Variants in CRTC1 observed in about 807,000 individuals in gnomAD.
The protein encoded by CRTC1 is CREB regulated transcription coactivator 1, also known as CREB-regulated transcription coactivator 1.
CRTC1 carries 18 observed loss-of-function variants against 66.1 expected under a neutral mutation model. The observed-to-expected ratio is 0.27, with a 90% CI of 0.19 to 0.40. The LOEUF is 0.40. CRTC1 is among the 10% of genes least tolerant of loss of function. CRTC1 has a pLI of 1.00. For synonymous variants in CRTC1, 416 were observed against 398.8 expected, an observed-to-expected ratio of 1.04 and a Z score of -0.51; for missense variants, 669 against 887.9, an observed-to-expected ratio of 0.75 and a Z score of 3.13.
Position 18,716,550 on chromosome 19 carries a change from G to A in CRTC1, c.127-26360G>A, listed in dbSNP as rs532810649. Among the ~76,000 whole-genome samples the A allele has an allele frequency of 1.2e-4, 18 of 152,268 alleles. No homozygotes were observed. The South Asian group carries it at 2.3e-3, about 19-fold the overall frequency. On this transcript the variant is annotated intron_variant, in intron 1 of 13. Coordinates refer to ENST00000321949, the MANE Select transcript of CRTC1 (RefSeq NM_015321.3). Reference sequence around the variant, plus strand: ...CAGGTGTGAGCAACTGTGCCTGGCCGGCTCCTGCATGACTCTTAGCCCAGG... The same window carrying A: ...CAGGTGTGAGCAACTGTGCCTGGCCAGCTCCTGCATGACTCTTAGCCCAGG...
Position 18,745,929 on chromosome 19 carries a change from G to A in CRTC1, c.350G>A (p.Arg117Gln). The A allele has an allele frequency of 1.9e-6, 3 of 1,612,488 alleles. No individual in the cohort carries two copies. Among genetic ancestry groups the A allele is most frequent in the Non-Finnish European group, 1.7e-6 (2 of 1,179,296 alleles). ...ERGRLGSPHR[R>Q]PLSVDKHGRQ... Reference sequence around the variant, plus strand: ...GGCCGGCTCGGCTCCCCACACCGCCGGCCCCTGTCAGTGGACAAACACGGA... The same window carrying A: ...GGCCGGCTCGGCTCCCCACACCGCCAGCCCCTGTCAGTGGACAAACACGGA... Residue 117 changes from arginine (R) to glutamine (Q), a missense_variant, in exon 3 of 14, where the codon CGG becomes CAG. Transcript: ENST00000321949.
intron 1 of CRTC1, among the ~76,000 whole-genome samples, chr19:18,712,112 T>A (rs1032082980): frequency 6.6e-5 from 10 of 151,986 alleles, no homozygotes; most frequent in African/African-American, 2.4e-4. Context: ...AGCTAATTTT[T>A]AAAATTTTTT....
chr19:18,767,856 C>T (rs2054771345), intron 9 of CRTC1, among the ~76,000 whole-genome samples: 1 of 152,224 alleles, frequency 6.6e-6, no homozygotes, highest in Admixed American at 6.5e-5. Context: ...CACGCTCAGC[C>T]TTTCTTAGAG....
intron 1 of CRTC1, among the ~76,000 whole-genome samples, chr19:18,692,020 C>T (rs1180584527): frequency 6.6e-6 from 1 of 152,040 alleles, no homozygotes. Context: ...GTCTTCCCCA[C>T]CCCCACTCTT....
intron 5 of CRTC1, among the ~76,000 whole-genome samples, chr19:18,750,241 C>T (rs1383571704): frequency 1.3e-5 from 2 of 152,154 alleles, no homozygotes; most frequent in Non-Finnish European, 2.9e-5. Context: ...GGCCAGGGGT[C>T]GACTTCTAGC....
chr19:18,700,197 G>A (rs2053100094), intron 1 of CRTC1, among the ~76,000 whole-genome samples: 1 of 152,192 alleles, frequency 6.6e-6, no homozygotes, highest in Admixed American at 6.5e-5. Context: ...CGCCTCCGCT[G>A]GTCCCAGGAG....
chr19:18,736,294 G>A (rs1382557006), intron 1 of CRTC1, among the ~76,000 whole-genome samples: 1 of 152,136 alleles, frequency 6.6e-6, no homozygotes, highest in Non-Finnish European at 1.5e-5. Flanking sequence ...CGAGTTATGG[G>A]GCTGCAGGGT....
At position 18,728,815 on chromosome 19, in the gene CRTC1, CT is replaced by C. The variant is rs35465891; in HGVS notation, c.127-14080del. 2.8e-3 allele frequency among the ~76,000 whole-genome samples: 222 copies of C among 79,362 alleles called. 12 individuals carry two copies. The highest frequency in any genetic ancestry group is 8.4e-3 in the African/African-American group (143 of 16,940). 52.1% of individuals were successfully genotyped at this position (79,362 alleles called of 152,430 possible). A position where few individuals can be genotyped will look rare whatever the true frequency, so the allele number is the denominator to read the frequency against. ...ACAGGTGTGAGCCACCTCACCTGGC[CT>C]TTTTTTTTTTTTTTGAGACAGAGTC... On this transcript the variant is annotated intron_variant, in intron 1 of 13. Coordinates refer to ENST00000321949, the MANE Select transcript of CRTC1 (RefSeq NM_015321.3).
chr19:18,767,100 C>T (rs1341686981), intron 9 of CRTC1, among the ~76,000 whole-genome samples: 1 of 152,062 alleles, frequency 6.6e-6, no homozygotes, highest in South Asian at 2.1e-4. Flanking sequence ...GTCATTTGTG[C>T]ATTTCTAGAA....
At chr19:18,736,847 A>C (rs1369425755) in intron 1 of CRTC1, among the ~76,000 whole-genome samples, 1 of 152,100 alleles carries the variant, frequency 6.6e-6, no homozygotes, top group Non-Finnish European at 1.5e-5. Flanking sequence ...ATCTCATTAG[A>C]AGGTTGGCCG....
At position 18,780,348 on chromosome 19, in the gene CRTC1, C is replaced by T. The variant is rs1254364736; in HGVS notation, c.*2966C>T. Reference sequence around the variant, plus strand: ...ATGGCGTCCCCACCTTCCTGTTTCGCCGACGTCACTACCCAGGGTGGCAAG... The same window carrying T: ...ATGGCGTCCCCACCTTCCTGTTTCGTCGACGTCACTACCCAGGGTGGCAAG... On this transcript the variant is annotated 3_prime_UTR_variant, in exon 14 of 14. Coordinates refer to ENST00000321949, the MANE Select transcript of CRTC1 (RefSeq NM_015321.3). 4.3e-6 allele frequency: 1 copy of T among 232,058 alleles called. No homozygotes were observed. The highest frequency in any genetic ancestry group is 8.5e-6 in the Non-Finnish European group (1 of 117,394). 14.4% of individuals were successfully genotyped at this position (232,058 alleles called of 1,614,324 possible). A position where few individuals can be genotyped will look rare whatever the true frequency, so the allele number is the denominator to read the frequency against.
At chr19:18,727,375 A>G (rs1239790629) in intron 1 of CRTC1, among the ~76,000 whole-genome samples, 3 of 151,748 alleles carry the variant, frequency 2.0e-5, no homozygotes, top group Non-Finnish European at 4.4e-5. Flanking sequence ...AGGTCAGGAG[A>G]TCGAGACCAT....
In CRTC1 at chr19:18,781,887, G is replaced by A. The variant is rs2055110680; in HGVS notation, c.*4505G>A. 4.3e-6 allele frequency: 1 copy of A among 230,760 alleles called. No individual in the cohort carries two copies. The highest frequency in any genetic ancestry group is 6.1e-5 in the East Asian group (1 of 16,310). 14.3% of individuals were successfully genotyped at this position (230,760 alleles called of 1,614,324 possible). A position where few individuals can be genotyped will look rare whatever the true frequency, so the allele number is the denominator to read the frequency against. ...GATGGCCCCCATCTCGAAGTGTTCT[G>A]GAATTTGGGGGCAACCCTTGCCCAG... On this transcript the variant is annotated 3_prime_UTR_variant, in exon 14 of 14. Coordinates refer to ENST00000321949, the MANE Select transcript of CRTC1 (RefSeq NM_015321.3).
At chr19:18,775,620 C>G in intron 12 of CRTC1, 21 bp from the exon 13 acceptor site, 1 of 1,546,984 alleles carries the variant, frequency 6.5e-7, no homozygotes, top group Non-Finnish European at 8.7e-7. Flanking sequence ...CCCTCACAGC[C>G]TGGTGTGCCT....
At chr19:18,718,120 C>T (rs931620366) in intron 1 of CRTC1, among the ~76,000 whole-genome samples, 2 of 151,922 alleles carry the variant, frequency 1.3e-5, no homozygotes, top group African/African-American at 2.4e-5. Context: ...TCTCATCATC[C>T]AAAGGAGACC....
At position 18,719,932 on chromosome 19, in the gene CRTC1, G is replaced by A. The variant is rs533149513; in HGVS notation, c.127-22978G>A. Among the ~76,000 whole-genome samples, 385 of 152,344 alleles carry A rather than the reference G, an allele frequency of 2.5e-3. 1 individual carries two copies. The highest frequency in any genetic ancestry group is 8.6e-3 in the African/African-American group (356 of 41,584). On this transcript the variant is annotated intron_variant, in intron 1 of 13. Coordinates refer to ENST00000321949, the MANE Select transcript of CRTC1 (RefSeq NM_015321.3). ...CGTCCATGTGGGCAGCGTCGGCGTCGGGCTTCTTGCCTGGGACCCAGGGGC... is the reference window on the plus strand; with the variant it reads ...CGTCCATGTGGGCAGCGTCGGCGTCAGGCTTCTTGCCTGGGACCCAGGGGC...
In CRTC1 at chr19:18,778,874, AG is replaced by A. The variant is rs2055049867; in HGVS notation, c.*1493del. The A allele has an allele frequency of 4.3e-6, 1 of 230,946 alleles. No individual in the cohort carries two copies. The allele number at this position is 230,946 out of a possible 1,614,324, so 14.3% of individuals were successfully genotyped here. On this transcript the variant is annotated 3_prime_UTR_variant, in exon 14 of 14. Coordinates refer to ENST00000321949, the MANE Select transcript of CRTC1 (RefSeq NM_015321.3). ...CTAGCCCACACCCCCTCTCTTGGGCAGCGTGGTCTGCTGGCTGCCCCTTCTT... is the reference window on the plus strand; with the variant it reads ...CTAGCCCACACCCCCTCTCTTGGGCACGTGGTCTGCTGGCTGCCCCTTCTT...
intron 1 of CRTC1, among the ~76,000 whole-genome samples, chr19:18,708,010 A>G (rs986209483): frequency 1.3e-5 from 2 of 152,232 alleles, no homozygotes; most frequent in South Asian, 2.1e-4. Context: ...GTAGTGCTCC[A>G]TGAAGGCAGC....
chr19:18,693,074 C>CA (rs71168762), intron 1 of CRTC1, among the ~76,000 whole-genome samples: 43,026 of 69,248 alleles, frequency 0.62, 13,186 homozygotes, highest in African/African-American at 0.77. Context: ...GACTCCGTCT[C>CA]AAAAAAAAAA....
Sources: allele counts gnomAD v4.1 joint callset (sites outside exome capture counted in the v4.1 genomes callset), GRCh38; gene constraint gnomAD v4.1.1; transcripts MANE v1.5; gene names NCBI Gene and HGNC (gene_info 2026-07-23, HGNC 2026-07-21).